ROBO2: variants seen among roughly 807,000 people sequenced by gnomAD.
ROBO2 encodes roundabout homolog 2.
Under a neutral mutation model 160.8 loss-of-function variants are expected in ROBO2, and 53 were observed. The observed-to-expected ratio is 0.33, with a 90% CI of 0.26 to 0.41. The LOEUF (loss-of-function observed/expected upper bound fraction) is 0.41. ROBO2 is among the 10% of genes least tolerant of loss of function. The pLI, the probability that ROBO2 is intolerant of heterozygous loss-of-function variation, is 1.00. For missense variants in ROBO2, 1,577 were observed against 1,722.4 expected, an observed-to-expected ratio of 0.92 and a Z score of 1.49; for synonymous variants, 664 against 611.7, an observed-to-expected ratio of 1.09 and a Z score of -1.26.
intron 1 of ROBO2, among the ~76,000 whole-genome samples, chr3:77,082,722 A>C (rs1415507596): frequency 6.6e-6 from 1 of 151,436 alleles, no homozygotes; most frequent in Non-Finnish European, 1.5e-5. Context: ...ATATATATAC[A>C]CACACAATAG....
At chr3:76,110,183 A>G (rs2070160395) in intron 2 of ROBO2, among the ~76,000 whole-genome samples, 1 of 151,996 alleles carries the variant, frequency 6.6e-6, no homozygotes, top group Admixed American at 6.6e-5. Context: ...AATAGCTTAT[A>G]TACATACACA....
chr3:76,752,289 G>T (rs887531054), intron 2 of ROBO2, among the ~76,000 whole-genome samples: 3 of 151,886 alleles, frequency 2.0e-5, no homozygotes, highest in African/African-American at 7.3e-5. Context: ...GGCCTGTAGT[G>T]GGGTGGGGGT....
At chr3:76,209,068 T>C (rs1702983424) in intron 2 of ROBO2, among the ~76,000 whole-genome samples, 1 of 152,200 alleles carries the variant, frequency 6.6e-6, no homozygotes, top group Non-Finnish European at 1.5e-5. Context: ...ACCAGATGTC[T>C]ATGCACTCTT....
At chr3:76,291,834 C>T (rs975457507) in intron 2 of ROBO2, among the ~76,000 whole-genome samples, 3 of 151,450 alleles carry the variant, frequency 2.0e-5, no homozygotes, top group African/African-American at 7.3e-5. Context: ...CTTGATGGAT[C>T]TTCTTGGTAT....
chr3:76,108,084 G>A (rs761457395), intron 2 of ROBO2, among the ~76,000 whole-genome samples: 2 of 151,976 alleles, frequency 1.3e-5, no homozygotes, highest in South Asian at 2.1e-4. Flanking sequence ...CTCTATCTAC[G>A]TGTGTAATAC....
At chr3:77,466,519 G>C (rs537665260) in intron 2 of ROBO2, among the ~76,000 whole-genome samples, 18 of 152,228 alleles carry the variant, frequency 1.2e-4, no homozygotes, top group African/African-American at 3.4e-4. Context: ...AATGGTTATG[G>C]TTACAAAATG....
intron 5 of ROBO2, among the ~76,000 whole-genome samples, chr3:77,500,346 A>C (rs951243781): frequency 6.6e-6 from 1 of 152,190 alleles, no homozygotes; most frequent in Non-Finnish European, 1.5e-5. Flanking sequence ...GCCACATATT[A>C]ATAAGCATTA....
intron 2 of ROBO2, among the ~76,000 whole-genome samples, chr3:76,108,224 T>C (rs532159204): frequency 2.6e-5 from 4 of 152,186 alleles, no homozygotes; most frequent in Middle Eastern, 3.4e-3. Context: ...TAGTTTGACG[T>C]TGAAATTTTT....
chr3:76,309,941 A>T (rs2071498394), intron 2 of ROBO2, among the ~76,000 whole-genome samples: 1 of 152,018 alleles, frequency 6.6e-6, no homozygotes, highest in African/African-American at 2.4e-5. Flanking sequence ...CTCTTGCCTC[A>T]GCCTCCTGAG....
intron 2 of ROBO2, among the ~76,000 whole-genome samples, chr3:77,384,784 G>A (rs1453918310): frequency 6.6e-6 from 1 of 152,144 alleles, no homozygotes; most frequent in Non-Finnish European, 1.5e-5. Flanking sequence ...TAGAATTTGT[G>A]TTAATGAGAA....
chr3:76,252,330 C>T (rs921259290), intron 2 of ROBO2, among the ~76,000 whole-genome samples: 1 of 151,940 alleles, frequency 6.6e-6, no homozygotes, highest in African/African-American at 2.4e-5. Flanking sequence ...TGGTGCTATT[C>T]AATGTATTTG....
chr3:77,589,237 CACAT>C (rs2094127048), intron 17 of ROBO2, among the ~76,000 whole-genome samples: 1 of 152,094 alleles, frequency 6.6e-6, no homozygotes, highest in South Asian at 2.1e-4. Flanking sequence ...CACACACACA[CACAT>C]GCACACGCAG....
In ROBO2 at chr3:77,477,367, A is replaced by C; in HGVS notation, c.389-47A>C. 1.9e-6 allele frequency: 3 copies of C among 1,594,156 alleles called. No individual in the cohort carries two copies. The South Asian group carries it at 3.3e-5, about 18-fold the overall frequency. On this transcript the variant is annotated intron_variant, in intron 2 of 25. Coordinates refer to ENST00000461745, the Ensembl canonical transcript of ROBO2. ...AGTTACCTTGTACAACAAAAAGCCT[A>C]AGTTACTGTCGTTGAGTTTTCTTTT...
chr3:76,487,396 A>T (rs2079558125), intron 2 of ROBO2, among the ~76,000 whole-genome samples: 1 of 152,168 alleles, frequency 6.6e-6, no homozygotes, highest in South Asian at 2.1e-4. Flanking sequence ...AATGTAAAAA[A>T]ATGGAACCAA....
At chr3:76,433,512 A>G (rs77065310) in intron 2 of ROBO2, among the ~76,000 whole-genome samples, 4,418 of 152,310 alleles carry the variant, frequency 0.029, 94 homozygotes, top group South Asian at 0.1. Context: ...AATAGTATAC[A>G]TTCTTTCTAT....
At chr3:76,128,138 C>G (rs2071073944) in intron 2 of ROBO2, among the ~76,000 whole-genome samples, 1 of 151,756 alleles carries the variant, frequency 6.6e-6, no homozygotes, top group Admixed American at 6.6e-5. Flanking sequence ...TCGTGATCCA[C>G]CCACCTCGGC....
intron 2 of ROBO2, among the ~76,000 whole-genome samples, chr3:76,348,169 T>C (rs1469784528): frequency 5.3e-5 from 8 of 151,486 alleles, no homozygotes; most frequent in Non-Finnish European, 1.2e-4. Flanking sequence ...TTCAGCATCA[T>C]CCGCCCAAGC....
chr3:77,355,410 A>G (rs560479927), intron 2 of ROBO2, among the ~76,000 whole-genome samples: 1 of 152,196 alleles, frequency 6.6e-6, no homozygotes, highest in Non-Finnish European at 1.5e-5. Context: ...TGAGTGGGGG[A>G]ATGATACAAA....
chr3:77,586,262 A>G (rs1308419593), intron 16 of ROBO2, among the ~76,000 whole-genome samples: 2 of 152,114 alleles, frequency 1.3e-5, no homozygotes, highest in East Asian at 3.8e-4. Context: ...CATATAACCA[A>G]TTTACATTGA....
Sources: gnomAD v4.1 joint callset for allele counts (sites outside exome capture counted in the v4.1 genomes callset) on GRCh38, gnomAD v4.1.1 for gene constraint, MANE v1.5 for transcripts, NCBI Gene and HGNC (gene_info 2026-07-23, HGNC 2026-07-21) for gene names.